Variants in IQSEC1 observed in about 807,000 individuals in gnomAD.
IQSEC1 encodes the protein IQ motif and SEC7 domain-containing protein 1.
IQSEC1 carries 31 observed loss-of-function variants against 91.0 expected under a neutral mutation model. The observed-to-expected ratio is 0.34, with a 90% CI of 0.26 to 0.46. The LOEUF is 0.46. Ranked by LOEUF, IQSEC1 falls within the 20% of genes least tolerant of loss-of-function variation. The probability of loss-of-function intolerance (pLI) is 1.00; values close to 1 mark genes in which losing one functional copy is unlikely to be tolerated. For missense variants in IQSEC1, 1,388 were observed against 1,575.6 expected, an observed-to-expected ratio of 0.88 and a Z score of 2.02; for synonymous variants, 699 against 662.6, an observed-to-expected ratio of 1.05 and a Z score of -0.84.
At chr3:13,266,161 C>G (rs1019959723) in intron 1 of IQSEC1, among the ~76,000 whole-genome samples, 6 of 152,176 alleles carry the variant, frequency 3.9e-5, no homozygotes, top group African/African-American at 1.4e-4. Context: ...AAACACTCCC[C>G]CGGAGCTCAG....
At chr3:13,091,551 A>G (rs909568081) in intron 2 of IQSEC1, among the ~76,000 whole-genome samples, 23 of 151,926 alleles carry the variant, frequency 1.5e-4, no homozygotes, top group African/African-American at 4.8e-4. Flanking sequence ...CCCTGAGCAC[A>G]GCCCTCCTTT....
At chr3:12,998,419 T>C (rs749349500) in intron 1 of IQSEC1, among the ~76,000 whole-genome samples, 53 of 152,220 alleles carry the variant, frequency 3.5e-4, no homozygotes, top group Admixed American at 6.5e-4. Context: ...TGGACTGATA[T>C]GATAAGGAAC....
Position 12,944,972 on chromosome 3 carries a change from C to G in IQSEC1, c.24-3107G>C, listed in dbSNP as rs564194029. Among the ~76,000 whole-genome samples the G allele has an allele frequency of 3.6e-4, 55 of 152,320 alleles. 1 individual carries two copies. In the Middle Eastern group the frequency reaches 0.014, roughly 38 times the overall value. On this transcript the variant is annotated intron_variant, in intron 1 of 13. Transcript: ENST00000613206. ...AGCCCTTTCTAACCTGGCCTGAAAC[C>G]ACTGTGAGCAGGCAGAGCAGGGCAT... is the stretch of plus-strand genomic sequence containing the variant.
At chr3:13,257,753 A>G (rs1249246042) in intron 1 of IQSEC1, among the ~76,000 whole-genome samples, 1 of 152,200 alleles carries the variant, frequency 6.6e-6, no homozygotes, top group Non-Finnish European at 1.5e-5. Context: ...ACTTTGGAAG[A>G]CAGTTTGGCA....
At chr3:13,176,931 G>A (rs1437935748) in intron 1 of IQSEC1, among the ~76,000 whole-genome samples, 1 of 152,200 alleles carries the variant, frequency 6.6e-6, no homozygotes, top group East Asian at 1.9e-4. Flanking sequence ...CATCACATCT[G>A]GATAAAGAAG....
chr3:13,281,086 T>G (rs1236332975), intron 1 of IQSEC1, among the ~76,000 whole-genome samples: 4 of 152,206 alleles, frequency 2.6e-5, no homozygotes, highest in Admixed American at 2.6e-4. Context: ...CAGGGTGGTG[T>G]TGTGAGGCAT....
At chr3:12,915,846 A>AT (rs1198652346) in intron 6 of IQSEC1, 113 bp from the exon 7 acceptor site, 22 of 1,255,868 alleles carry the variant, frequency 1.8e-5, no homozygotes, top group Non-Finnish European at 2.4e-5. Context: ...AGAACCAAAG[A>AT]ACTCCCAGGC....
chr3:13,174,713 G>A (rs1169123482), intron 1 of IQSEC1, among the ~76,000 whole-genome samples: 2 of 152,062 alleles, frequency 1.3e-5, no homozygotes, highest in African/African-American at 4.8e-5. Context: ...CCCCATGTCT[G>A]CCCTGCACAC....
At chr3:13,237,059 C>T (rs1694943003) in intron 1 of IQSEC1, among the ~76,000 whole-genome samples, 1 of 152,228 alleles carries the variant, frequency 6.6e-6, no homozygotes, top group Admixed American at 6.5e-5. Context: ...ACACGGATCC[C>T]AAGGCAGGGC....
In IQSEC1 at chr3:13,259,445, C is replaced by T. The variant is rs777002928; in HGVS notation, c.272+23266G>A. Among the ~76,000 whole-genome samples the T allele has an allele frequency of 7.9e-5, 12 of 152,162 alleles. No individual in the cohort carries two copies. Among genetic ancestry groups the T allele is most frequent in the Non-Finnish European group, 1.8e-4 (12 of 67,982 alleles). ...TATTCTCCCCTGCACCCCATCAAAACAGTGGCGGGTGAGATAGCACTGTCA... is the reference window on the plus strand; with the variant it reads ...TATTCTCCCCTGCACCCCATCAAAATAGTGGCGGGTGAGATAGCACTGTCA... On this transcript the variant is annotated intron_variant, in intron 1 of 15. Coordinates refer to the IQSEC1 transcript ENST00000648114. The surrounding 1 kb of genome is among the most constrained non-coding windows in gnomAD (Gnocchi z 4.6).
chr3:12,916,354 G>C (rs1375175537), intron 6 of IQSEC1, among the ~76,000 whole-genome samples: 1 of 152,214 alleles, frequency 6.6e-6, no homozygotes, highest in African/African-American at 2.4e-5. Flanking sequence ...CATGGGCAGA[G>C]GCTGGAGGCT....
intron 2 of IQSEC1, among the ~76,000 whole-genome samples, chr3:13,116,604 C>A (rs891694613): frequency 6.6e-6 from 1 of 152,076 alleles, no homozygotes; most frequent in African/African-American, 2.4e-5. Flanking sequence ...ACACTATACA[C>A]AAAAGCTGAC....
intron 2 of IQSEC1, among the ~76,000 whole-genome samples, chr3:13,163,785 C>T (rs184142065): frequency 2.6e-4 from 39 of 151,470 alleles, no homozygotes; most frequent in Admixed American, 1.2e-3. Flanking sequence ...TGGTCCTAGA[C>T]GGGTCACAGC....
chr3:12,969,648 C>T (rs1700799592), intron 1 of IQSEC1, among the ~76,000 whole-genome samples: 2 of 152,196 alleles, frequency 1.3e-5, no homozygotes, highest in Non-Finnish European at 2.9e-5. Context: ...AATAATTCCC[C>T]CAGCCCAGCT....
intron 1 of IQSEC1, among the ~76,000 whole-genome samples, chr3:12,991,586 C>T (rs1701993129): frequency 6.6e-6 from 1 of 152,194 alleles, no homozygotes; most frequent in South Asian, 2.1e-4. Flanking sequence ...GGTCAACTCT[C>T]CTACCAGAGG....
intron 3 of IQSEC1, among the ~76,000 whole-genome samples, chr3:12,927,944 G>A (rs1236858256): frequency 6.6e-6 from 1 of 152,178 alleles, no homozygotes; most frequent in Non-Finnish European, 1.5e-5. Flanking sequence ...AGGGGGTAGT[G>A]GGGCGGTGGG....
upstream of IQSEC1, among the ~76,000 whole-genome samples, chr3:13,074,154 A>G (rs930815054): frequency 6.6e-6 from 1 of 152,220 alleles, no homozygotes; most frequent in Non-Finnish European, 1.5e-5. Context: ...GAGAGCAGGA[A>G]GAGGGGAGGC....
intron 1 of IQSEC1, among the ~76,000 whole-genome samples, chr3:13,003,631 C>T (rs1182944905): frequency 6.6e-6 from 1 of 152,112 alleles, no homozygotes; most frequent in Non-Finnish European, 1.5e-5. Context: ...TAAAGTATCC[C>T]TCAATAAAGC....
intron 2 of IQSEC1, among the ~76,000 whole-genome samples, chr3:13,096,864 CTTT>C (rs71066943): frequency 7.0e-6 from 1 of 142,436 alleles, no homozygotes; most frequent in African/African-American, 2.6e-5. Flanking sequence ...TTCTTTCTTT[CTTT>C]TTTTTTTTTT....
Sources: gnomAD v4.1 joint callset for allele counts (sites outside exome capture counted in the v4.1 genomes callset) on GRCh38, gnomAD v4.1.1 for gene constraint, Gnocchi (gnomAD v3.1) non-coding constraint, MANE v1.5 for transcripts, NCBI Gene and HGNC (gene_info 2026-07-23, HGNC 2026-07-21) for gene names.